The following TSPAN5 variants were observed in gnomAD, a reference collection of about 807,000 sequenced individuals.
The protein encoded by TSPAN5 is tetraspanin-5.
In TSPAN5, 10 loss-of-function variants were observed where a neutral mutation model predicts 37.1. That is an observed-to-expected ratio of 0.27 (90% CI 0.17 to 0.46). The LOEUF (loss-of-function observed/expected upper bound fraction) is 0.46. Among genes scored for constraint, TSPAN5 ranks in the 20% least tolerant of loss-of-function variants. The probability of loss-of-function intolerance (pLI) is 1.00; values close to 1 mark genes in which losing one functional copy is unlikely to be tolerated. For synonymous variants in TSPAN5, 110 were observed against 118.9 expected, an observed-to-expected ratio of 0.93 and a Z score of 0.48; for missense variants, 195 against 326.6, an observed-to-expected ratio of 0.60 and a Z score of 3.11.
At chr4:98,533,964 C>CAAAAAAAAAAA (rs1560526857) in intron 1 of TSPAN5, among the ~76,000 whole-genome samples, 1 of 22,294 alleles carries the variant, frequency 4.5e-5, no homozygotes, top group Admixed American at 4.4e-4. Context: ...AAAAAAAAAC[C>CAAAAAAAAAAA]AGCTCCTGGA....
At chr4:98,479,938 A>C (rs79099922) in intron 4 of TSPAN5, among the ~76,000 whole-genome samples, 10,430 of 152,212 alleles carry the variant, frequency 0.069, 397 homozygotes, top group Middle Eastern at 0.14. Context: ...ATCTCACCTC[A>C]TAATCAAATG....
intron 2 of TSPAN5, among the ~76,000 whole-genome samples, chr4:98,497,507 C>A (rs1423005131): frequency 6.6e-6 from 1 of 152,080 alleles, no homozygotes; most frequent in Non-Finnish European, 1.5e-5. Context: ...TTAAGCCACC[C>A]AGTCTATAGT....
intron 3 of TSPAN5, 153 bp downstream of exon 3, chr4:98,486,585 C>A (rs1752963622): frequency 1.3e-6 from 1 of 771,310 alleles, no homozygotes. Flanking sequence ...GGAATCAGGG[C>A]TAGAGAGCTC....
At chr4:98,653,170 C>G (rs1012162420) in intron 1 of TSPAN5, among the ~76,000 whole-genome samples, 1 of 152,148 alleles carries the variant, frequency 6.6e-6, no homozygotes, top group Non-Finnish European at 1.5e-5. Flanking sequence ...AAAATTATGA[C>G]TTATAAACTG....
chr4:98,561,136 G>A (rs1754874468), intron 1 of TSPAN5, among the ~76,000 whole-genome samples: 1 of 152,222 alleles, frequency 6.6e-6, no homozygotes. Context: ...TGTCACTTCT[G>A]AGGCAAGGCT....
At chr4:98,497,672 T>A (rs1294538193) in intron 2 of TSPAN5, among the ~76,000 whole-genome samples, 1 of 150,938 alleles carries the variant, frequency 6.6e-6, no homozygotes, top group East Asian at 1.9e-4. Context: ...AATACTTTCA[T>A]GAGGATCACC....
At chr4:98,533,169 G>C (rs1754138281) in intron 1 of TSPAN5, among the ~76,000 whole-genome samples, 1 of 152,124 alleles carries the variant, frequency 6.6e-6, no homozygotes, top group Non-Finnish European at 1.5e-5. Flanking sequence ...TGGTGTCTCT[G>C]CCAGGTTTTG....
chr4:98,521,061 A>G (rs1753843345), intron 1 of TSPAN5, among the ~76,000 whole-genome samples: 2 of 152,132 alleles, frequency 1.3e-5, no homozygotes, highest in South Asian at 4.1e-4. Flanking sequence ...CCTCCTGAGT[A>G]GCTGGGATTA....
At chr4:98,633,293 C>G (rs1234626757) in intron 1 of TSPAN5, among the ~76,000 whole-genome samples, 5 of 152,188 alleles carry the variant, frequency 3.3e-5, no homozygotes, top group African/African-American at 1.2e-4. Context: ...ACTAAAACTA[C>G]GCTACAACAG....
Position 98,546,142 on chromosome 4 carries a change from A to G in TSPAN5, c.82-38414T>C, listed in dbSNP as rs77241774. On this transcript the variant is annotated intron_variant, in intron 1 of 7. Transcript: ENST00000305798. Reference sequence around the variant, plus strand: ...TTTAAAGAAGGGCAAACTGATTCAGAGAGGTTAAGAAACTTGCCCAACACC... The same window carrying G: ...TTTAAAGAAGGGCAAACTGATTCAGGGAGGTTAAGAAACTTGCCCAACACC... Among the ~76,000 whole-genome samples the G allele has an allele frequency of 7.5e-4, 114 of 152,348 alleles. 3 individuals are homozygous for G. In the East Asian group the frequency reaches 0.018, roughly 24 times the overall value.
At chr4:98,591,933 G>A (rs1487584497) in intron 1 of TSPAN5, among the ~76,000 whole-genome samples, 1 of 151,274 alleles carries the variant, frequency 6.6e-6, no homozygotes, top group African/African-American at 2.4e-5. Context: ...GAACAATGTT[G>A]AAGGACTTAT....
intron 1 of TSPAN5, among the ~76,000 whole-genome samples, chr4:98,579,685 C>T (rs1755326295): frequency 6.6e-6 from 1 of 152,212 alleles, no homozygotes; most frequent in South Asian, 2.1e-4. Flanking sequence ...TATCACTTCC[C>T]ATTACCAATC....
At chr4:98,530,525 C>T (rs1458830292) in intron 1 of TSPAN5, among the ~76,000 whole-genome samples, 1 of 152,204 alleles carries the variant, frequency 6.6e-6, no homozygotes, top group African/African-American at 2.4e-5. Context: ...CTCCACCCCA[C>T]CTGCACTTCG....
intron 1 of TSPAN5, among the ~76,000 whole-genome samples, chr4:98,640,437 A>AAAAAC (rs1189325036): frequency 6.6e-6 from 1 of 152,228 alleles, no homozygotes; most frequent in Non-Finnish European, 1.5e-5. Context: ...ACCATTTTAA[A>AAAAAC]AAAACAAAAC....
At chr4:98,485,074 T>C (rs186965757) in intron 3 of TSPAN5, 5 of 153,866 alleles carry the variant, frequency 3.2e-5, no homozygotes, top group Admixed American at 1.3e-4. Flanking sequence ...GATCACACCA[T>C]TGCACTCCAG....
At chr4:98,542,582 A>G (rs1425414555) in intron 1 of TSPAN5, among the ~76,000 whole-genome samples, 1 of 152,130 alleles carries the variant, frequency 6.6e-6, no homozygotes, top group Non-Finnish European at 1.5e-5. Flanking sequence ...CGCCAGGCAC[A>G]GTGGTACATG....
chr4:98,543,826 C>A (rs10030396), intron 1 of TSPAN5, among the ~76,000 whole-genome samples: 3 of 151,970 alleles, frequency 2.0e-5, no homozygotes, highest in Non-Finnish European at 1.5e-5. Context: ...GTGAACTTCA[C>A]GACATTTGAT....
chr4:98,561,324 C>T (rs775212382), intron 1 of TSPAN5, among the ~76,000 whole-genome samples: 11 of 152,194 alleles, frequency 7.2e-5, no homozygotes, highest in African/African-American at 2.2e-4. Flanking sequence ...CCAAGGTGGG[C>T]GGATCACCTG....
intron 1 of TSPAN5, among the ~76,000 whole-genome samples, chr4:98,509,045 CA>C (rs1437384779): frequency 2.6e-5 from 4 of 152,244 alleles, no homozygotes; most frequent in Admixed American, 2.0e-4. Context: ...ACTAAAAATC[CA>C]ATGATCAGGA....
Sources: gnomAD v4.1 joint callset for allele counts (sites outside exome capture counted in the v4.1 genomes callset) on GRCh38, gnomAD v4.1.1 for gene constraint, MANE v1.5 for transcripts, NCBI Gene and HGNC (gene_info 2026-07-23, HGNC 2026-07-21) for gene names.